NRXN3: variants seen among roughly 807,000 people sequenced by gnomAD.
The protein encoded by NRXN3 is neurexin III.
In NRXN3, 32 loss-of-function variants were observed where a neutral mutation model predicts 137.6. The observed-to-expected ratio is 0.23, with a 90% CI of 0.18 to 0.31. NRXN3 has a LOEUF of 0.31. Ranked by LOEUF, NRXN3 falls within the 10% of genes least tolerant of loss-of-function variation. The pLI, the probability that NRXN3 is intolerant of heterozygous loss-of-function variation, is 1.00. For missense variants in NRXN3, 1,574 were observed against 2,062.5 expected (o/e 0.76, Z 4.59); for synonymous variants, 798 against 784.5 (o/e 1.02, Z -0.29).
At chr14:78,350,011 G>A (rs2083264736) in intron 4 of NRXN3, among the ~76,000 whole-genome samples, 1 of 152,218 alleles carries the variant, frequency 6.6e-6, no homozygotes, top group African/African-American at 2.4e-5. Flanking sequence ...AGAGGGATGG[G>A]GCATGGTGGC....
At chr14:79,389,789 G>GTC (rs146287680) in intron 15 of NRXN3, among the ~76,000 whole-genome samples, 2 of 151,964 alleles carry the variant, frequency 1.3e-5, no homozygotes, top group Admixed American at 6.6e-5. Flanking sequence ...TGAAAGGTCT[G>GTC]TCTCTCTCTC....
chr14:79,280,803 C>A lies in NRXN3; in HGVS notation c.3263-186418C>A, dbSNP rs1051726675. On this transcript the variant is annotated intron_variant, in intron 15 of 20. Transcript: ENST00000335750. ...CCCTCATTCATAGCTGCACAGACAC[C>A]ACACTCTCTCTTTTGCAACCTTCTA... 2.0e-5 allele frequency: 9 copies of A among 447,516 alleles called. 1 individual carries two copies. The highest frequency in any genetic ancestry group is 3.3e-5 in the Non-Finnish European group (8 of 244,890). 27.7% of individuals were successfully genotyped at this position (447,516 alleles called of 1,614,324 possible).
At chr14:79,813,720 T>A (rs1299499735) in intron 20 of NRXN3, among the ~76,000 whole-genome samples, 1 of 152,176 alleles carries the variant, frequency 6.6e-6, no homozygotes, top group African/African-American at 2.4e-5. Context: ...TCTATGCATA[T>A]TTTTCCTTTT....
At chr14:78,683,540 A>G (rs2098097255) in intron 6 of NRXN3, among the ~76,000 whole-genome samples, 1 of 152,242 alleles carries the variant, frequency 6.6e-6, no homozygotes, top group African/African-American at 2.4e-5. Context: ...AAAGCAGAAT[A>G]TGGAAGGGTA....
At chr14:79,221,136 C>T (rs1239029102) in intron 15 of NRXN3, among the ~76,000 whole-genome samples, 1 of 152,102 alleles carries the variant, frequency 6.6e-6, no homozygotes, top group Non-Finnish European at 1.5e-5. Flanking sequence ...GCCACATTTT[C>T]TTTATCTAGT....
intron 15 of NRXN3, among the ~76,000 whole-genome samples, chr14:79,197,772 A>G (rs1458910786): frequency 1.3e-5 from 2 of 152,254 alleles, no homozygotes; most frequent in East Asian, 3.9e-4. Context: ...TGTTTCCCGC[A>G]AGGAATTTGA....
At chr14:79,736,186 G>T (rs1227019384) in intron 19 of NRXN3, among the ~76,000 whole-genome samples, 1 of 152,050 alleles carries the variant, frequency 6.6e-6, no homozygotes, top group East Asian at 1.9e-4. Context: ...ACTCAGCACT[G>T]TCTTCTATTT....
At position 78,404,478 on chromosome 14, in the gene NRXN3, C is replaced by G. The variant is rs576664096; in HGVS notation, c.757+106618C>G. ...GCAGCCTCCCAATTTCTGGAGGCAC[C>G]TGGGTCGGCTTTCTTGGGGGCAAGG... is the stretch of plus-strand genomic sequence containing the variant. On this transcript the variant is annotated intron_variant, in intron 4 of 20. Transcript: ENST00000335750. Among the ~76,000 whole-genome samples, 7 of 152,180 alleles carry G rather than the reference C, an allele frequency of 4.6e-5. No individual in the cohort carries two copies. The South Asian group carries it at 6.2e-4, about 14-fold the overall frequency.
chr14:78,396,546 A>G (rs2091476554), intron 4 of NRXN3, among the ~76,000 whole-genome samples: 1 of 152,158 alleles, frequency 6.6e-6, no homozygotes, highest in African/African-American at 2.4e-5. Flanking sequence ...GTTTTCTTTC[A>G]TCTGAAAATA....
chr14:78,655,224 G>C (rs1471983243), intron 6 of NRXN3, among the ~76,000 whole-genome samples: 1 of 152,116 alleles, frequency 6.6e-6, no homozygotes, highest in Non-Finnish European at 1.5e-5. Context: ...TAAAACTTCT[G>C]TTGCATTCTT....
At chr14:78,482,770 T>G (rs2095494741) in intron 4 of NRXN3, among the ~76,000 whole-genome samples, 1 of 152,178 alleles carries the variant, frequency 6.6e-6, no homozygotes, top group Non-Finnish European at 1.5e-5. Flanking sequence ...TGAAGGAAGT[T>G]TCTTAACTTT....
intron 5 of NRXN3, among the ~76,000 whole-genome samples, chr14:78,647,301 C>T (rs1000797973): frequency 6.6e-6 from 1 of 152,226 alleles, no homozygotes; most frequent in Non-Finnish European, 1.5e-5. Context: ...CCCTGCCCTT[C>T]ATGTTCTAAG....
At chr14:78,583,646 GAAATA>G (rs2097027885) in intron 4 of NRXN3, among the ~76,000 whole-genome samples, 1 of 152,200 alleles carries the variant, frequency 6.6e-6, no homozygotes, top group African/African-American at 2.4e-5. Flanking sequence ...AATTAGAAAT[GAAATA>G]GAGTTGATTC....
intron 16 of NRXN3, among the ~76,000 whole-genome samples, chr14:79,529,491 A>G (rs2097150861): frequency 6.6e-6 from 1 of 152,248 alleles, no homozygotes; most frequent in Non-Finnish European, 1.5e-5. Context: ...ATATAAAACA[A>G]TATGAGAGGG....
At position 79,861,876 on chromosome 14, in the gene NRXN3, G is replaced by A. The variant is rs763142564; in HGVS notation, c.4628G>A (p.Ser1543Asn). The change falls in exon 21 of 21, where the codon AGC (serine) becomes AAC (asparagine). Residue 1543 changes from serine (S) to asparagine (N), a missense_variant. Physicochemically the swap from Ser to Asn is conservative, Grantham distance 46. Coordinates refer to ENST00000335750, the MANE Select transcript of NRXN3 (RefSeq NM_001330195.2). The surrounding 1 kb of genome is among the most constrained non-coding windows in gnomAD (Gnocchi z 5.4). The stretch of plus-strand genomic sequence containing the variant: ...AACTACATCAGCAACTCCGCCCAGA[G>A]CAACGGCACGCTCATGAAGGAGAAG... ...TRNYISNSAQ[S>N]NGTLMKEKQQ... The A allele has an allele frequency of 1.2e-6, 2 of 1,614,078 alleles. No individual in the cohort carries two copies. The highest frequency in any genetic ancestry group is 1.1e-5 in the South Asian group (1 of 91,078).
At chr14:79,365,805 A>T (rs1235784300) in intron 15 of NRXN3, among the ~76,000 whole-genome samples, 1 of 150,868 alleles carries the variant, frequency 6.6e-6, no homozygotes. Flanking sequence ...CACAAATTGC[A>T]CTAATAACTT....
intron 15 of NRXN3, among the ~76,000 whole-genome samples, chr14:79,307,804 T>C (rs1476938258): frequency 6.6e-6 from 1 of 151,264 alleles, no homozygotes; most frequent in Non-Finnish European, 1.5e-5. Flanking sequence ...TTATTTTTTT[T>C]CTCTCTCTCT....
At chr14:79,168,173 C>T (rs978287382) in intron 15 of NRXN3, among the ~76,000 whole-genome samples, 2 of 151,996 alleles carry the variant, frequency 1.3e-5, no homozygotes, top group South Asian at 4.1e-4. Context: ...CTGAGTCACT[C>T]TGCATCAATC....
intron 1 of NRXN3, among the ~76,000 whole-genome samples, chr14:78,209,360 T>C (rs2062519642): frequency 6.6e-6 from 1 of 152,206 alleles, no homozygotes. Flanking sequence ...TGGACAGGTC[T>C]GCTCTCAGGG....
Sources: gnomAD v4.1 joint callset for allele counts (sites outside exome capture counted in the v4.1 genomes callset) on GRCh38, gnomAD v4.1.1 for gene constraint, Gnocchi (gnomAD v3.1) non-coding constraint, MANE v1.5 for transcripts, NCBI Gene and HGNC (gene_info 2026-07-23, HGNC 2026-07-21) for gene names.